The following GLIS3 variants were observed in gnomAD, a reference collection of about 807,000 sequenced individuals.
GLIS3 encodes the protein GLIS family zinc finger 3.
GLIS3 carries 53 observed loss-of-function variants against 78.6 expected under a neutral mutation model. The observed-to-expected ratio is 0.67, with a 90% confidence interval of 0.54 to 0.85. GLIS3 has a LOEUF of 0.85. GLIS3 is among the 40% of genes least tolerant of loss of function. GLIS3 has a pLI of 0.00. For synonymous variants in GLIS3, 684 were observed against 509.9 expected (o/e 1.34, Z -4.60); for missense variants, 1,703 against 1,231.1 (o/e 1.38, Z -5.74).
intron 2 of GLIS3, among the ~76,000 whole-genome samples, chr9:4,174,525 A>C (rs958408419): frequency 5.9e-5 from 9 of 152,222 alleles, no homozygotes; most frequent in African/African-American, 1.9e-4. Flanking sequence ...CAAAAGAAAA[A>C]GAGGATTTGG....
At chr9:4,417,834 G>A in the GLIS3 span, among the ~76,000 whole-genome samples, 6 of 152,138 alleles carry the variant, frequency 3.9e-5, no homozygotes, top group African/African-American at 1.4e-4. Context: ...TGACTTTAAA[G>A]TGAGTTTTAG....
chr9:4,202,914 A>T (rs1376062031), intron 2 of GLIS3, among the ~76,000 whole-genome samples: 1 of 152,220 alleles, frequency 6.6e-6, no homozygotes, highest in Non-Finnish European at 1.5e-5. Flanking sequence ...CATGGGAAAG[A>T]ATTTATGACT....
Position 3,945,001 on chromosome 9 carries a change from C to G in GLIS3, c.1711-7812G>C, listed in dbSNP as rs568710850. ...TTTGGAGACAACTGATGCAGTCCCA[C>G]TAGGGTGAGAACTCGCTCACTCCTG... On this transcript the variant is annotated intron_variant, in intron 4 of 10. Coordinates refer to ENST00000381971, the MANE Select transcript of GLIS3 (RefSeq NM_001042413.2). Among the ~76,000 whole-genome samples, 5 of 152,352 alleles carry G rather than the reference C, an allele frequency of 3.3e-5. No homozygotes were observed. The South Asian group carries it at 8.3e-4, about 25-fold the overall frequency.
intron 2 of GLIS3, among the ~76,000 whole-genome samples, chr9:4,240,954 A>AGT (rs3063675): frequency 0.033 from 5,031 of 151,902 alleles, 272 homozygotes; most frequent in African/African-American, 0.12. Flanking sequence ...AATATGTATG[A>AGT]GTGTGTGTGT....
At chr9:4,195,636 G>A (rs570047494) in intron 2 of GLIS3, among the ~76,000 whole-genome samples, 1 of 152,386 alleles carries the variant, frequency 6.6e-6, no homozygotes, top group East Asian at 1.9e-4. Flanking sequence ...CTGTTCCACA[G>A]CGCCTGGTCC....
intron 6 of GLIS3, among the ~76,000 whole-genome samples, chr9:3,931,370 C>A (rs1017155883): frequency 6.6e-6 from 1 of 152,086 alleles, no homozygotes; most frequent in Non-Finnish European, 1.5e-5. Context: ...TGAAAGAATG[C>A]AAGATTTCTA....
chr9:4,371,486 T>G, the GLIS3 span, among the ~76,000 whole-genome samples: 1 of 152,030 alleles, frequency 6.6e-6, no homozygotes, highest in African/African-American at 2.4e-5. Flanking sequence ...AAGGTTGGAG[T>G]CTTGTTCACA....
intron 4 of GLIS3, among the ~76,000 whole-genome samples, chr9:4,059,903 TA>T (rs137978834): frequency 0.24 from 35,371 of 148,106 alleles, 4,845 homozygotes; most frequent in Middle Eastern, 0.43. Flanking sequence ...GCTCAAAAAA[TA>T]AAAAAATCTA....
At position 3,824,738 on chromosome 9, in the gene GLIS3, G is replaced by C. The variant is rs1817634575; in HGVS notation, c.*3534C>G. 1 of 152,560 alleles carries C rather than the reference G, an allele frequency of 6.6e-6. No homozygotes were observed. Among genetic ancestry groups the C allele is most frequent in the Admixed American group, 6.5e-5 (1 of 15,276 alleles). 9.5% of individuals were successfully genotyped at this position (152,560 alleles called of 1,614,324 possible). A position where few individuals can be genotyped will look rare whatever the true frequency, so the allele number is the denominator to read the frequency against. On this transcript the variant is annotated 3_prime_UTR_variant, in exon 11 of 11. Coordinates refer to ENST00000381971, the MANE Select transcript of GLIS3 (RefSeq NM_001042413.2). ...ATATGCAGTTCATTTCTCTACGTGAGTGTATATAACTATGTACAAGAGTCT... is the reference window on the plus strand; with the variant it reads ...ATATGCAGTTCATTTCTCTACGTGACTGTATATAACTATGTACAAGAGTCT...
At chr9:4,451,867 T>C in the GLIS3 span, among the ~76,000 whole-genome samples, 1 of 151,068 alleles carries the variant, frequency 6.6e-6, no homozygotes, top group Non-Finnish European at 1.5e-5. Flanking sequence ...CAGGGAAATT[T>C]ATAGCACTAA....
chr9:4,008,147 G>A (rs986325003), intron 4 of GLIS3, among the ~76,000 whole-genome samples: 2 of 152,176 alleles, frequency 1.3e-5, no homozygotes, highest in East Asian at 1.9e-4. Flanking sequence ...CCTGAGAGTG[G>A]CTGAGAGTGG....
intron 2 of GLIS3, among the ~76,000 whole-genome samples, chr9:4,186,202 C>A (rs4521818): frequency 6.9e-6 from 1 of 144,672 alleles, no homozygotes; most frequent in African/African-American, 2.6e-5. Flanking sequence ...CCTGTGTCCA[C>A]GTGTTCTCAT....
intron 10 of GLIS3, 78 bp from the exon 11 acceptor site, chr9:3,828,486 A>G: frequency 1.3e-6 from 2 of 1,577,608 alleles, no homozygotes; most frequent in Non-Finnish European, 1.7e-6. Context: ...ACAGTAATGC[A>G]GCTCACCAAG....
intron 2 of GLIS3, among the ~76,000 whole-genome samples, chr9:4,317,975 A>G (rs1051858076): frequency 4.6e-5 from 7 of 152,268 alleles, no homozygotes; most frequent in Non-Finnish European, 1.0e-4. Context: ...TCTACATGGT[A>G]AAATCTCTGT....
the GLIS3 span, among the ~76,000 whole-genome samples, chr9:4,427,817 C>G: frequency 6.6e-6 from 1 of 151,526 alleles, no homozygotes; most frequent in Non-Finnish European, 1.5e-5. Flanking sequence ...CAAGATTGTG[C>G]CACTGCACTC....
At chr9:3,991,709 G>A (rs1423202153) in intron 4 of GLIS3, among the ~76,000 whole-genome samples, 18 of 38,178 alleles carry the variant, frequency 4.7e-4, no homozygotes, top group Non-Finnish European at 7.4e-4. Context: ...TTTTTTTTTT[G>A]AGACGGAGTC....
chr9:3,923,350 A>C (rs1160586393), intron 6 of GLIS3, among the ~76,000 whole-genome samples: 2 of 152,208 alleles, frequency 1.3e-5, no homozygotes, highest in African/African-American at 4.8e-5. Flanking sequence ...ATGACACTGC[A>C]AGCCTCACTG....
At chr9:4,484,960 T>C in the GLIS3 span, among the ~76,000 whole-genome samples, 1 of 138,276 alleles carries the variant, frequency 7.2e-6, no homozygotes, top group Non-Finnish European at 1.5e-5. Flanking sequence ...CTCCTGTAGA[T>C]AACATCATCA....
intron 2 of GLIS3, among the ~76,000 whole-genome samples, chr9:4,280,393 A>C (rs1437125145): frequency 6.6e-6 from 1 of 152,234 alleles, no homozygotes; most frequent in Non-Finnish European, 1.5e-5. Flanking sequence ...GGTTATGATT[A>C]ATATATTTTG....
Sources: gnomAD v4.1 joint callset for allele counts (sites outside exome capture counted in the v4.1 genomes callset) on GRCh38, gnomAD v4.1.1 for gene constraint, MANE v1.5 for transcripts, NCBI Gene and HGNC (gene_info 2026-07-23, HGNC 2026-07-21) for gene names.